IQCK: variants seen among roughly 807,000 people sequenced by gnomAD.
IQCK encodes the protein IQ motif containing K.
A neutral mutation model predicts 28.1 loss-of-function variants in IQCK; 29 were observed. The ratio of observed to expected loss-of-function variants is 1.03; its 90% confidence interval spans 0.77 to 1.41. IQCK has a LOEUF of 1.41. Ranked by LOEUF, IQCK falls within the 40% of genes most tolerant of loss-of-function variation. IQCK has a pLI of 0.00. For synonymous variants in IQCK, 113 were observed against 115.1 expected, an observed-to-expected ratio of 0.98 and a Z score of 0.12; for missense variants, 359 against 314.7, an observed-to-expected ratio of 1.14 and a Z score of -1.07.
intron 7 of IQCK, among the ~76,000 whole-genome samples, chr16:19,799,595 T>TACAC (rs1294252121): frequency 3.2e-4 from 36 of 112,294 alleles, no homozygotes; most frequent in Middle Eastern, 8.5e-3. Context: ...TATATATATA[T>TACAC]ATACACACAC....
At chr16:19,857,370 C>A in exon 10 of IQCK, 1 of 416,224 alleles carries the variant, frequency 2.4e-6, no homozygotes. Flanking sequence ...CCATGGTTTA[C>A]AGCCTTTTAA....
chr16:19,727,948 T>C (rs1977712539), intron 1 of IQCK, among the ~76,000 whole-genome samples: 1 of 152,082 alleles, frequency 6.6e-6, no homozygotes, highest in Non-Finnish European at 1.5e-5. Flanking sequence ...ACCTCACTTA[T>C]TCAATCAAAC....
At chr16:19,837,248 A>C (rs535009347) in intron 9 of IQCK, among the ~76,000 whole-genome samples, 2 of 152,120 alleles carry the variant, frequency 1.3e-5, no homozygotes, top group East Asian at 3.9e-4. Context: ...AAAAAATATG[A>C]AAACTAGCTG....
At chr16:19,736,385 C>G (rs979767898) in intron 4 of IQCK, among the ~76,000 whole-genome samples, 1 of 152,030 alleles carries the variant, frequency 6.6e-6, no homozygotes, top group Non-Finnish European at 1.5e-5. Context: ...ACCTCAGCTT[C>G]CTGAGCAGCT....
At chr16:19,733,334 T>C (rs764636578) in intron 2 of IQCK, among the ~76,000 whole-genome samples, 3 of 152,114 alleles carry the variant, frequency 2.0e-5, no homozygotes, top group Non-Finnish European at 4.4e-5. Flanking sequence ...AAACGGGATT[T>C]CACCATGTTG....
chr16:19,806,017 T>C (rs1238470914), intron 7 of IQCK, among the ~76,000 whole-genome samples: 2 of 152,074 alleles, frequency 1.3e-5, no homozygotes, highest in Non-Finnish European at 2.9e-5. Flanking sequence ...GGCCATCCGG[T>C]AGTCAGAAAT....
intron 7 of IQCK, among the ~76,000 whole-genome samples, chr16:19,808,088 A>C (rs2055855888): frequency 6.6e-6 from 1 of 152,004 alleles, no homozygotes; most frequent in Admixed American, 6.6e-5. Flanking sequence ...CCTGGTTTCC[A>C]TGGTCTGTTT....
chr16:19,719,179 C>T (rs1047747533), intron 1 of IQCK, among the ~76,000 whole-genome samples: 3 of 152,028 alleles, frequency 2.0e-5, no homozygotes, highest in Non-Finnish European at 4.4e-5. Flanking sequence ...ACAAAAAGTG[C>T]TTAGCAAACT....
At chr16:19,786,284 T>C (rs1159304150) in intron 6 of IQCK, among the ~76,000 whole-genome samples, 1 of 151,930 alleles carries the variant, frequency 6.6e-6, no homozygotes, top group Non-Finnish European at 1.5e-5. Context: ...GCGGGGCGGG[T>C]GGCTCATGCC....
chr16:19,755,792 T>C (rs2055043873), intron 4 of IQCK, among the ~76,000 whole-genome samples: 1 of 152,228 alleles, frequency 6.6e-6, no homozygotes, highest in Non-Finnish European at 1.5e-5. Context: ...AGAAATATTT[T>C]TGGCCTCTCC....
chr16:19,842,865 G>A (rs1183593406), intron 9 of IQCK, among the ~76,000 whole-genome samples: 1 of 152,192 alleles, frequency 6.6e-6, no homozygotes, highest in African/African-American at 2.4e-5. Context: ...GAGGAAAACA[G>A]TTGTTTTCCT....
intron 9 of IQCK, among the ~76,000 whole-genome samples, chr16:19,834,330 G>A (rs1467131291): frequency 1.3e-5 from 2 of 152,182 alleles, no homozygotes; most frequent in Non-Finnish European, 1.5e-5. Context: ...GGGGCTGGGA[G>A]GATACATGGC....
At chr16:19,753,067 A>G (rs1431704362) in intron 4 of IQCK, among the ~76,000 whole-genome samples, 2 of 151,940 alleles carry the variant, frequency 1.3e-5, no homozygotes, top group Admixed American at 6.6e-5. Flanking sequence ...AGAGAGAGAG[A>G]GAGAGAGTCT....
At chr16:19,829,421 C>T (rs192345624), downstream of IQCK, among the ~76,000 whole-genome samples, 256 of 152,146 alleles carry the variant, frequency 1.7e-3, no homozygotes, top group Non-Finnish European at 3.1e-3. Flanking sequence ...ACTGCAACCT[C>T]CACCTCTGGG....
At chr16:19,798,541 C>T (rs947525184) in intron 7 of IQCK, among the ~76,000 whole-genome samples, 7 of 66,346 alleles carry the variant, frequency 1.1e-4, no homozygotes, top group African/African-American at 3.1e-4. Flanking sequence ...GATATTGGCA[C>T]AAAATGAAAA....
chr16:19,735,272 T>C lies in IQCK; in HGVS notation c.377-81T>C, dbSNP rs150567981. On this transcript the variant is annotated intron_variant, in intron 3 of 7. Transcript: ENST00000564186. ...TGATTGAATGGACAGTACCTTTTTC[T>C]GGCTCAAAAGTAAACATTTCTCCCA... 368 of 958,558 alleles carry C rather than the reference T, an allele frequency of 3.8e-4. 2 individuals are homozygous for C. The East Asian group carries it at 8.0e-3, about 21-fold the overall frequency. 59.4% of individuals were successfully genotyped at this position (958,558 alleles called of 1,614,324 possible).
At chr16:19,815,676 C>A (rs1192463597) in intron 7 of IQCK, among the ~76,000 whole-genome samples, 2 of 151,922 alleles carry the variant, frequency 1.3e-5, no homozygotes, top group Admixed American at 1.3e-4. Context: ...GTCTCAAAAA[C>A]CAAAAACAAA....
intron 4 of IQCK, among the ~76,000 whole-genome samples, chr16:19,754,225 TTTTC>T (rs1191029489): frequency 6.6e-6 from 1 of 152,206 alleles, no homozygotes; most frequent in Non-Finnish European, 1.5e-5. Flanking sequence ...GCCTTACTCA[TTTTC>T]TTTATCTCTT....
At chr16:19,819,993 G>C (rs2056046547) in intron 7 of IQCK, among the ~76,000 whole-genome samples, 1 of 152,062 alleles carries the variant, frequency 6.6e-6, no homozygotes, top group South Asian at 2.1e-4. Context: ...GTGGGACAAA[G>C]AATAGCCTCT....
Sources: allele counts gnomAD v4.1 joint callset (sites outside exome capture counted in the v4.1 genomes callset), GRCh38; gene constraint gnomAD v4.1.1; transcripts MANE v1.5; gene names NCBI Gene and HGNC (gene_info 2026-07-23, HGNC 2026-07-21).